TRIM3: variants seen among roughly 807,000 people sequenced by gnomAD.
The protein encoded by TRIM3 is tripartite motif containing 3, also known as tripartite motif-containing protein 3.
Under a neutral mutation model 66.6 loss-of-function variants are expected in TRIM3, and 13 were observed. The observed-to-expected ratio is 0.20, with a 90% CI of 0.13 to 0.31. TRIM3 has a LOEUF of 0.31. Among genes scored for constraint, TRIM3 ranks in the 10% least tolerant of loss-of-function variants. The pLI is 1.00. For synonymous variants in TRIM3, 406 were observed against 411.7 expected (o/e 0.99, Z 0.17); for missense variants, 711 against 1,020.4 (o/e 0.70, Z 4.13).
At chr11:6,463,873 G>C (rs1850339748) in intron 2 of TRIM3, among the ~76,000 whole-genome samples, 1 of 152,192 alleles carries the variant, frequency 6.6e-6, no homozygotes, top group African/African-American at 2.4e-5. Flanking sequence ...GAACTTGAAT[G>C]GACAGGAAAA....
In TRIM3 at chr11:6,457,086, G is replaced by C; in HGVS notation, c.697-57C>G. ...AGACTGGCACAGGGGGAGTCTCTGT[G>C]ATTACTGAAGTTGTAGCACTGTGGC... is the stretch of plus-strand genomic sequence containing the variant. On this transcript the variant is annotated intron_variant, in intron 5 of 11. Coordinates refer to ENST00000345851, the MANE Select transcript of TRIM3 (RefSeq NM_033278.4). This position sits in a 1 kb window ranked among gnomAD's most constrained non-coding sequence, Gnocchi z 4.5. 1 of 1,547,912 alleles carries C rather than the reference G, an allele frequency of 6.5e-7. No individual in the cohort carries two copies. Among genetic ancestry groups the C allele is most frequent in the South Asian group, 1.2e-5 (1 of 82,790 alleles).
rs770553781 is a variant in TRIM3 at position 6,456,861 on chromosome 11, G to A, written c.865C>T (p.Arg289Trp). 6.2e-7 allele frequency: 1 copy of A among 1,612,592 alleles called. No individual in the cohort carries two copies. The highest frequency in any genetic ancestry group is 1.1e-5 in the South Asian group (1 of 91,080). ...AALAAQAFPERPHENAQLELV... is the reference protein window; with the variant it reads ...AALAAQAFPEWPHENAQLELV... ...TCCAGCTGTGCATTCTCATGTGGCC[G>A]CTCCGGGAAGGCCTGTGCCGCCAAT... The change falls in exon 6 of 12, where the codon CGG (arginine) becomes TGG (tryptophan). Residue 289 changes from arginine (R) to tryptophan (W), a missense_variant. Around this residue, in one of 3 missense-constraint regions of TRIM3, gnomAD observed 399 missense variants for 458.1 expected, o/e 0.87. Coordinates refer to ENST00000345851, the MANE Select transcript of TRIM3 (RefSeq NM_033278.4). This position sits in a 1 kb window ranked among gnomAD's most constrained non-coding sequence, Gnocchi z 6.4.
At chr11:6,454,017 A>G (rs889981931) in intron 7 of TRIM3, among the ~76,000 whole-genome samples, 3 of 152,182 alleles carry the variant, frequency 2.0e-5, no homozygotes, top group African/African-American at 7.2e-5. Context: ...GAGGACTGCT[A>G]TAGAAGTAGC....
chr11:6,466,015 T>C (rs1293385566), intron 1 of TRIM3, among the ~76,000 whole-genome samples: 1 of 152,198 alleles, frequency 6.6e-6, no homozygotes, highest in African/African-American at 2.4e-5. Context: ...GTCTCTTAAT[T>C]TGTAATTACA....
rs73400813 is a variant in TRIM3, at chr11:6,455,642, T to A, written c.1533+430A>T. ...GCAACTGTCTAGCCAACCTGATAAC[T>A]GCAGAGACTCCAGACAGACTACATA... On this transcript the variant is annotated intron_variant, in intron 7 of 11. Coordinates refer to ENST00000345851, the MANE Select transcript of TRIM3 (RefSeq NM_033278.4). Among the ~76,000 whole-genome samples the A allele has an allele frequency of 2.7e-3, 409 of 152,156 alleles. 2 individuals carry two copies. The highest frequency in any genetic ancestry group is 9.5e-3 in the African/African-American group (394 of 41,494).
At chr11:6,466,579 A>G (rs1850479406) in intron 1 of TRIM3, among the ~76,000 whole-genome samples, 1 of 147,482 alleles carries the variant, frequency 6.8e-6, no homozygotes, top group Non-Finnish European at 1.5e-5. Context: ...TCTATGATCA[A>G]TCATTCCTGC....
Position 6,456,138 on chromosome 11 carries a change from T to G in TRIM3, c.1467A>C (p.Leu489Phe). 1 of 1,614,182 alleles carries G rather than the reference T, an allele frequency of 6.2e-7. No homozygotes were observed. The highest frequency in any genetic ancestry group is 8.5e-7 in the Non-Finnish European group (1 of 1,180,042). The change falls in exon 7 of 12, where the codon TTA becomes TTC. Residue 489 changes from leucine (L) to phenylalanine (F), a missense_variant. Coordinates refer to ENST00000345851, the MANE Select transcript of TRIM3 (RefSeq NM_033278.4). This position sits in a 1 kb window ranked among gnomAD's most constrained non-coding sequence, Gnocchi z 6.4. The part of the protein sequence containing the change: ...RGREKGEFTN[L>F]QGVSAASSGR... ...CGCTGCTGGCTGCGGACACACCTTG[T>G]AAATTGGTGAATTCACCTTTCTCCC... is the stretch of plus-strand genomic sequence containing the variant.
At chr11:6,459,512 C>T (rs957938013) in intron 2 of TRIM3, among the ~76,000 whole-genome samples, 3 of 152,172 alleles carry the variant, frequency 2.0e-5, no homozygotes, top group Non-Finnish European at 4.4e-5. Flanking sequence ...TTTCTGATTA[C>T]GTTTCTGTTA....
At chr11:6,473,984 G>A (rs1850825632), upstream of TRIM3, 1 of 151,468 alleles carries the variant, frequency 6.6e-6, no homozygotes, top group Admixed American at 6.6e-5. Context: ...CCGGCCGGGG[G>A]AGGGGGTGAC....
At position 6,449,466 on chromosome 11, in the gene TRIM3, G is replaced by A. The variant is rs766200168; in HGVS notation, c.1942-20C>T. 6.2e-7 allele frequency: 1 copy of A among 1,605,844 alleles called. No homozygotes were observed. The highest frequency in any genetic ancestry group is 1.3e-5 in the African/African-American group (1 of 74,768). On this transcript the variant is annotated intron_variant, in intron 10 of 11. Transcript: ENST00000345851. The surrounding 1 kb of genome is among the most constrained non-coding windows in gnomAD (Gnocchi z 5.3). ...GTACACCTGGCGGGGGAAGGGGCTA[G>A]GGACTGGGGACCTGGCCTCAGGCAG...
In TRIM3 at chr11:6,450,183, C is replaced by T. The variant is rs1849662910; in HGVS notation, c.1941+368G>A. ...TCCTCCTCTGCCTTCCATTTAATTC[C>T]CACTTGTGCTTGAGGTCCTCCTCAT... On this transcript the variant is annotated intron_variant, in intron 10 of 11. Coordinates refer to ENST00000345851, the MANE Select transcript of TRIM3 (RefSeq NM_033278.4). The surrounding 1 kb of genome is among the most constrained non-coding windows in gnomAD (Gnocchi z 4.8). The T allele has an allele frequency of 4.9e-6, 1 of 205,382 alleles. No individual in the cohort carries two copies. Among genetic ancestry groups the T allele is most frequent in the Non-Finnish European group, 9.8e-6 (1 of 101,962 alleles). The allele number at this position is 205,382 out of a possible 1,614,324, so 12.7% of individuals were successfully genotyped here.
rs530429606 is a variant in TRIM3 at position 6,449,248 on chromosome 11, G to T, written c.2082+58C>A. 13 of 1,608,476 alleles carry T rather than the reference G, an allele frequency of 8.1e-6. No individual in the cohort carries two copies. In the African/African-American group the frequency reaches 1.6e-4, roughly 20 times the overall value. On this transcript the variant is annotated intron_variant, in intron 11 of 11. Coordinates refer to ENST00000345851, the MANE Select transcript of TRIM3 (RefSeq NM_033278.4). This position sits in a 1 kb window ranked among gnomAD's most constrained non-coding sequence, Gnocchi z 5.3. ...AGATGAGAGTCTGTTTTGGGGGAAC[G>T]GGCATATGGGACACACCAGGAAACC... is the stretch of plus-strand genomic sequence containing the variant.
chr11:6,457,154 C>T lies in TRIM3; in HGVS notation c.697-125G>A, dbSNP rs11605141. The stretch of plus-strand genomic sequence containing the variant: ...GCCTGTGGACAGAGGACACAGATGC[C>T]CACAGCACCTACCGAGGGCATGTCA... On this transcript the variant is annotated intron_variant, in intron 5 of 11. Transcript: ENST00000345851. This position sits in a 1 kb window ranked among gnomAD's most constrained non-coding sequence, Gnocchi z 4.5. 292,691 of 1,511,962 alleles carry T rather than the reference C, an allele frequency of 0.19. 30,025 individuals are homozygous for T. The highest frequency in any genetic ancestry group is 0.28 in the African/African-American group (20,652 of 73,020). 93.7% of individuals were successfully genotyped at this position (1,511,962 alleles called of 1,614,324 possible).
At chr11:6,455,232 G>A (rs967541925) in intron 7 of TRIM3, among the ~76,000 whole-genome samples, 9 of 149,980 alleles carry the variant, frequency 6.0e-5, no homozygotes, top group Non-Finnish European at 1.2e-4. Context: ...AACACTCCCC[G>A]CAACCCTATC....
Position 6,449,423 on chromosome 11 carries a change from G to A in TRIM3, c.1965C>T (p.Phe655=), listed in dbSNP as rs1371845962. 1 of 1,614,008 alleles carries A rather than the reference G, an allele frequency of 6.2e-7. No homozygotes were observed. Among genetic ancestry groups the A allele is most frequent in the Non-Finnish European group, 8.5e-7 (1 of 1,179,958 alleles). Residue 655 remains phenylalanine (F), a synonymous_variant, in exon 11 of 12, where the codon TTC becomes TTT. Transcript: ENST00000345851. This position sits in a 1 kb window ranked among gnomAD's most constrained non-coding sequence, Gnocchi z 5.3. ...SVKVYSADGE[F]LFKFGSHGEG... ...CGCCATGGGAGCCAAACTTGAAGAGGAACTCTCCATCGGCACTGTACACCT... is the reference window on the plus strand; with the variant it reads ...CGCCATGGGAGCCAAACTTGAAGAGAAACTCTCCATCGGCACTGTACACCT...
Position 6,450,373 on chromosome 11 carries a change from T to C in TRIM3, c.1941+178A>G, listed in dbSNP as rs1564960799. 1.6e-6 allele frequency: 1 copy of C among 621,458 alleles called. No homozygotes were observed. The highest frequency in any genetic ancestry group is 2.7e-5 in the East Asian group (1 of 36,382). The allele number at this position is 621,458 out of a possible 1,614,324, so 38.5% of individuals were successfully genotyped here. A position where few individuals can be genotyped will look rare whatever the true frequency, so the allele number is the denominator to read the frequency against. ...AGAATACATTTGCTTTGTGCATCAC[T>C]GTATCTCCAGCTTCTAGCATACTGC... is the stretch of plus-strand genomic sequence containing the variant. On this transcript the variant is annotated intron_variant, in intron 10 of 11. Coordinates refer to ENST00000345851, the MANE Select transcript of TRIM3 (RefSeq NM_033278.4). The surrounding 1 kb of genome is among the most constrained non-coding windows in gnomAD (Gnocchi z 4.8).
At chr11:6,463,503 T>C (rs1390756054) in intron 2 of TRIM3, among the ~76,000 whole-genome samples, 3 of 152,168 alleles carry the variant, frequency 2.0e-5, no homozygotes, top group Non-Finnish European at 4.4e-5. Flanking sequence ...TGAGCTTCTA[T>C]TGCATGGGTT....
Position 6,457,994 on chromosome 11 carries a change from G to A in TRIM3, c.363+71C>T, listed in dbSNP as rs1441687959. On this transcript the variant is annotated intron_variant, in intron 3 of 11. Coordinates refer to ENST00000345851, the MANE Select transcript of TRIM3 (RefSeq NM_033278.4). The surrounding 1 kb of genome is among the most constrained non-coding windows in gnomAD (Gnocchi z 4.5). ...GCAGTACCCTGTCACCCAGCCACTC[G>A]GCACCCCCCAATGCCTCTCCTCCTC... 1.4e-5 allele frequency: 21 copies of A among 1,538,810 alleles called. No homozygotes were observed. Among genetic ancestry groups the A allele is most frequent in the South Asian group, 6.1e-5 (5 of 81,342 alleles).
rs1273829949 is a variant in TRIM3 at position 6,457,279 on chromosome 11, G to A, written c.696+17C>T. On this transcript the variant is annotated intron_variant, in intron 5 of 11. Transcript: ENST00000345851. This position sits in a 1 kb window ranked among gnomAD's most constrained non-coding sequence, Gnocchi z 4.5. ...TCACAATGGACGATGGTAGGAAAGG[G>A]TGAACACAAGACACACCTTCTGTTT... The A allele has an allele frequency of 6.2e-7, 1 of 1,613,066 alleles. No individual in the cohort carries two copies. Among genetic ancestry groups the A allele is most frequent in the Non-Finnish European group, 8.5e-7 (1 of 1,179,396 alleles).
Sources: gnomAD v4.1 joint callset for allele counts (sites outside exome capture counted in the v4.1 genomes callset) on GRCh38, gnomAD v4.1.1 for gene constraint, gnomAD v4.1.1 regional missense constraint, Gnocchi (gnomAD v3.1) non-coding constraint, MANE v1.5 for transcripts, NCBI Gene and HGNC (gene_info 2026-07-23, HGNC 2026-07-21) for gene names.